The following NIPAL2 variants were observed in gnomAD, a reference collection of about 807,000 sequenced individuals.
NIPAL2 encodes the protein NIPA-like protein 2.
NIPAL2 carries 43 observed loss-of-function variants against 48.9 expected under a neutral mutation model. The ratio of observed to expected loss-of-function variants is 0.88; its 90% confidence interval spans 0.69 to 1.13. The LOEUF (loss-of-function observed/expected upper bound fraction) is 1.13. NIPAL2 is among the 50% of genes most tolerant of loss of function. NIPAL2 has a pLI of 0.00. For synonymous variants in NIPAL2, 167 were observed against 174.6 expected (o/e 0.96, Z 0.34); for missense variants, 446 against 461.4 (o/e 0.97, Z 0.31).
Position 98,192,070 on chromosome 8 carries a change from T to G in NIPAL2, c.*908A>C, listed in dbSNP as rs1586276433. ...GAATAAGACATATAAATCCACTTGA[T>G]AAATTATAAGATCTATAAAAAAGAC... On this transcript the variant is annotated 3_prime_UTR_variant, in exon 11 of 11. Transcript: ENST00000430223. 1.3e-5 allele frequency: 2 copies of G among 152,250 alleles called. No individual in the cohort carries two copies. Among genetic ancestry groups the G allele is most frequent in the African/African-American group, 4.8e-5 (2 of 41,462 alleles). The allele number at this position is 152,250 out of a possible 1,614,324, so 9.4% of individuals were successfully genotyped here. A position where few individuals can be genotyped will look rare whatever the true frequency, so the allele number is the denominator to read the frequency against.
intron 3 of NIPAL2, among the ~76,000 whole-genome samples, chr8:98,237,011 T>A (rs1166023059): frequency 6.6e-6 from 1 of 152,090 alleles, no homozygotes; most frequent in Non-Finnish European, 1.5e-5. Context: ...TCTCTTCTAT[T>A]TGACGATCCA....
chr8:98,275,646 G>A (rs561041416), intron 1 of NIPAL2, among the ~76,000 whole-genome samples: 12 of 152,188 alleles, frequency 7.9e-5, no homozygotes, highest in Non-Finnish European at 1.8e-4. Flanking sequence ...TGTGTGGTAA[G>A]TCCATTTTTA....
chr8:98,232,121 GTCCT>G (rs1462347986), intron 4 of NIPAL2, among the ~76,000 whole-genome samples: 2 of 152,170 alleles, frequency 1.3e-5, no homozygotes, highest in Admixed American at 1.3e-4. Context: ...TTGGGGAAAA[GTCCT>G]TCCTTGGACT....
intron 5 of NIPAL2, among the ~76,000 whole-genome samples, chr8:98,218,277 G>T (rs1035521799): frequency 6.6e-6 from 1 of 152,186 alleles, no homozygotes; most frequent in African/African-American, 2.4e-5. Context: ...TGTTGGTAAG[G>T]CTTCAAGTCT....
chr8:98,246,879 G>A (rs888571977), intron 3 of NIPAL2, among the ~76,000 whole-genome samples: 1 of 152,096 alleles, frequency 6.6e-6, no homozygotes, highest in African/African-American at 2.4e-5. Flanking sequence ...CCATAGACAA[G>A]TTAATTTTAT....
chr8:98,211,316 C>T (rs974638814), intron 6 of NIPAL2, among the ~76,000 whole-genome samples: 1 of 152,046 alleles, frequency 6.6e-6, no homozygotes, highest in East Asian at 1.9e-4. Context: ...ATATAAGGTA[C>T]ATTTTGTTTC....
At chr8:98,250,724 C>T (rs1202972217) in intron 3 of NIPAL2, among the ~76,000 whole-genome samples, 3 of 152,132 alleles carry the variant, frequency 2.0e-5, no homozygotes, top group African/African-American at 4.8e-5. Flanking sequence ...GCAGTGGGCT[C>T]AGAGTTTTAA....
At chr8:98,274,704 T>C (rs1052634718) in intron 1 of NIPAL2, among the ~76,000 whole-genome samples, 1 of 152,084 alleles carries the variant, frequency 6.6e-6, no homozygotes, top group African/African-American at 2.4e-5. Flanking sequence ...AGAAAATAAC[T>C]AGATTTTTTA....
At chr8:98,250,003 C>G (rs7016162) in intron 3 of NIPAL2, among the ~76,000 whole-genome samples, 4 of 151,864 alleles carry the variant, frequency 2.6e-5, no homozygotes, top group Admixed American at 1.3e-4. Flanking sequence ...TTGGTGTGAA[C>G]CAGACTGTCT....
intron 1 of NIPAL2, among the ~76,000 whole-genome samples, chr8:98,280,293 C>T (rs904725161): frequency 1.4e-4 from 22 of 152,174 alleles, no homozygotes; most frequent in African/African-American, 4.8e-5. Flanking sequence ...ATTCTGAGCT[C>T]GTTTTGAACA....
chr8:98,268,657 C>G (rs1293778787), intron 1 of NIPAL2, among the ~76,000 whole-genome samples: 1 of 151,122 alleles, frequency 6.6e-6, no homozygotes, highest in African/African-American at 2.4e-5. Flanking sequence ...GAAAAAAACC[C>G]CACAAAATAA....
rs144226575 is a variant in NIPAL2 at position 98,252,564 on chromosome 8, C to A, written c.275G>T (p.Gly92Val). 6.2e-7 allele frequency: 1 copy of A among 1,613,992 alleles called. No homozygotes were observed. Among genetic ancestry groups the A allele is most frequent in the Non-Finnish European group, 8.5e-7 (1 of 1,179,996 alleles). Residue 92 changes from glycine to valine, a missense_variant, in exon 3 of 11, where the codon GGT becomes GTT. Physicochemically the swap from Gly to Val is moderately radical, Grantham distance 109. Coordinates refer to ENST00000430223, the MANE Select transcript of NIPAL2 (RefSeq NM_001321635.2). Reference sequence around the variant, plus strand: ...TCCCACGGCCATCAGCAGGACACCACCCCACCACAGCACACTCTTGAAGTA... The same window carrying A: ...TCCCACGGCCATCAGCAGGACACCAACCCACCACAGCACACTCTTGAAGTA... ...RPYFKSVLWWGGVLLMAVGET... is the reference protein window; with the variant it reads ...RPYFKSVLWWVGVLLMAVGET...
chr8:98,235,732 G>T (rs1037578730), intron 4 of NIPAL2, among the ~76,000 whole-genome samples: 2 of 151,410 alleles, frequency 1.3e-5, no homozygotes, highest in Non-Finnish European at 2.9e-5. Context: ...AAAAAAATAT[G>T]ATCTCCCTGG....
At chr8:98,230,028 AATAACT>A (rs1191233219) in intron 4 of NIPAL2, among the ~76,000 whole-genome samples, 1 of 152,218 alleles carries the variant, frequency 6.6e-6, no homozygotes, top group Non-Finnish European at 1.5e-5. Context: ...TCACAGAAGA[AATAACT>A]ATTTTGCCTG....
In NIPAL2 at chr8:98,205,179, C is replaced by T. The variant is rs1239162045; in HGVS notation, c.723G>A (p.Met241Ile). Residue 241 changes from methionine (M) to isoleucine (I), a missense_variant, in exon 7 of 11, where the codon ATG becomes ATA. Physicochemically the swap from Met to Ile is conservative, Grantham distance 10 (BLOSUM62 1). Transcript: ENST00000430223. ...GMITFSVMDK[M>I]QLTYPIFYIM... ...TATAGAAAATGGGGTAAGTTAGTTG[C>T]ATTTTATCCATCACAGAAAAAGTGA... is the stretch of plus-strand genomic sequence containing the variant. 5 of 1,613,208 alleles carry T rather than the reference C, an allele frequency of 3.1e-6. No individual in the cohort carries two copies. The Admixed American group carries it at 8.3e-5, about 27-fold the overall frequency.
chr8:98,212,065 C>A (rs937564996), intron 6 of NIPAL2, among the ~76,000 whole-genome samples: 1 of 152,062 alleles, frequency 6.6e-6, no homozygotes, highest in Non-Finnish European at 1.5e-5. Context: ...CTAACCAATT[C>A]CTGACACAAG....
At chr8:98,275,275 C>T (rs1815397241) in intron 1 of NIPAL2, among the ~76,000 whole-genome samples, 2 of 152,118 alleles carry the variant, frequency 1.3e-5, no homozygotes, top group South Asian at 2.1e-4. Context: ...CTTTCCCTCA[C>T]CATTCCTAAC....
intron 3 of NIPAL2, among the ~76,000 whole-genome samples, chr8:98,240,938 C>T (rs753115476): frequency 1.3e-5 from 2 of 152,184 alleles, no homozygotes; most frequent in African/African-American, 4.8e-5. Context: ...GGTTTTATTT[C>T]CTCAACCGGT....
At chr8:98,196,469 A>G (rs910360045) in intron 8 of NIPAL2, among the ~76,000 whole-genome samples, 6 of 152,176 alleles carry the variant, frequency 3.9e-5, no homozygotes, top group African/African-American at 1.4e-4. Flanking sequence ...ATGCCCAGTG[A>G]TCTGTTGGTC....
Sources: gnomAD v4.1 joint callset for allele counts (sites outside exome capture counted in the v4.1 genomes callset) on GRCh38, gnomAD v4.1.1 for gene constraint, MANE v1.5 for transcripts, NCBI Gene and HGNC (gene_info 2026-07-23, HGNC 2026-07-21) for gene names.